The following AUTS2 variants were observed in gnomAD, a reference collection of about 807,000 sequenced individuals.
AUTS2 encodes the protein activator of transcription and developmental regulator AUTS2.
AUTS2 carries 17 observed loss-of-function variants against 112.4 expected under a neutral mutation model. The ratio of observed to expected loss-of-function variants is 0.15; its 90% CI spans 0.10 to 0.23. The LOEUF is 0.23. AUTS2 is among the 10% of genes least tolerant of loss of function. AUTS2 has a pLI of 1.00. For synonymous variants in AUTS2, 751 were observed against 702.7 expected (o/e 1.07, Z -1.09); for missense variants, 1,510 against 1,701.6 (o/e 0.89, Z 1.98).
chr7:70,524,410 C>T (rs1202185110), intron 5 of AUTS2, among the ~76,000 whole-genome samples: 1 of 152,140 alleles, frequency 6.6e-6, no homozygotes, highest in Non-Finnish European at 1.5e-5. Context: ...CTGTTGGATT[C>T]CTTAGAATCC....
intron 4 of AUTS2, among the ~76,000 whole-genome samples, chr7:70,339,987 G>A (rs999717267): frequency 1.3e-5 from 2 of 152,118 alleles, no homozygotes; most frequent in Non-Finnish European, 2.9e-5. Flanking sequence ...TGAAGTGGAG[G>A]ACAGGGCTAG....
chr7:70,550,351 C>G (rs927122585), intron 5 of AUTS2, among the ~76,000 whole-genome samples: 5 of 152,242 alleles, frequency 3.3e-5, no homozygotes, highest in African/African-American at 1.2e-4. Flanking sequence ...TCTAGTCCTT[C>G]GGCACCTCTT....
chr7:70,263,808 T>G (rs1787281805), intron 4 of AUTS2, among the ~76,000 whole-genome samples: 1 of 152,196 alleles, frequency 6.6e-6, no homozygotes, highest in Non-Finnish European at 1.5e-5. Context: ...GTATCATAAT[T>G]GGTCTATACA....
intron 2 of AUTS2, among the ~76,000 whole-genome samples, chr7:70,103,796 G>A (rs1804623131): frequency 6.6e-6 from 1 of 151,882 alleles, no homozygotes; most frequent in South Asian, 2.1e-4. Flanking sequence ...TGTAAGCCAA[G>A]CTAGTTGGGA....
At chr7:70,014,509 A>T (rs1799942950) in intron 2 of AUTS2, among the ~76,000 whole-genome samples, 1 of 152,208 alleles carries the variant, frequency 6.6e-6, no homozygotes, top group Non-Finnish European at 1.5e-5. Context: ...GTATTTATTA[A>T]ATTAATGAAG....
chr7:69,723,186 A>G (rs1279313342), intron 1 of AUTS2, among the ~76,000 whole-genome samples: 1 of 151,978 alleles, frequency 6.6e-6, no homozygotes, highest in African/African-American at 2.4e-5. Context: ...CTCCCACTTT[A>G]GCCTTGATCA....
intron 5 of AUTS2, among the ~76,000 whole-genome samples, chr7:70,648,865 T>C (rs35125787): frequency 0.083 from 12,667 of 152,186 alleles, 1,432 homozygotes; most frequent in African/African-American, 0.25. Flanking sequence ...AGATTACAGA[T>C]ATGAGCCACC....
At chr7:69,764,560 T>TA (rs34304208) in intron 1 of AUTS2, among the ~76,000 whole-genome samples, 61 of 143,658 alleles carry the variant, frequency 4.2e-4, no homozygotes, top group Admixed American at 8.4e-4. Context: ...AGTACTGATG[T>TA]AAAAAAAAAA....
intron 1 of AUTS2, among the ~76,000 whole-genome samples, chr7:69,745,189 A>C (rs573165913): frequency 6.6e-6 from 1 of 152,236 alleles, no homozygotes; most frequent in South Asian, 2.1e-4. Flanking sequence ...TCGTGTATAG[A>C]TTGGGCTGTA....
At chr7:70,604,602 T>C (rs917836322) in intron 5 of AUTS2, among the ~76,000 whole-genome samples, 2 of 152,210 alleles carry the variant, frequency 1.3e-5, no homozygotes, top group Non-Finnish European at 2.9e-5. Flanking sequence ...TTCCCCAGTA[T>C]AGAATTAGAG....
intron 1 of AUTS2, among the ~76,000 whole-genome samples, chr7:69,859,838 T>C (rs1253032083): frequency 6.6e-6 from 1 of 152,124 alleles, no homozygotes; most frequent in Non-Finnish European, 1.5e-5. Context: ...AAAACCCTAG[T>C]AGAGTACCTG....
At chr7:70,519,345 AG>A (rs1304331547) in intron 5 of AUTS2, among the ~76,000 whole-genome samples, 2 of 152,228 alleles carry the variant, frequency 1.3e-5, no homozygotes. Flanking sequence ...TGCCCTTGAA[AG>A]GGAAATCTCC....
rs181546780 is a variant in AUTS2, at chr7:70,742,296, G to A, written c.743-20574G>A. Among the ~76,000 whole-genome samples, 563 of 152,274 alleles carry A rather than the reference G, an allele frequency of 3.7e-3. 5 individuals carry two copies. The highest frequency in any genetic ancestry group is 0.013 in the African/African-American group (540 of 41,566). The stretch of plus-strand genomic sequence containing the variant: ...TAGCCATTTTCCAAAGTCTCCCCCC[G>A]CCAGAGGAATATCTCATAAGTCTGG... On this transcript the variant is annotated intron_variant, in intron 6 of 18. Transcript: ENST00000342771.
chr7:70,117,997 C>T (rs1805472205), intron 2 of AUTS2, 135 bp from the exon 3 acceptor site: 5 of 1,118,144 alleles, frequency 4.5e-6, no homozygotes, highest in Non-Finnish European at 5.9e-6. Flanking sequence ...ATCCTCCTAC[C>T]TCTGCCTCCG....
chr7:70,223,752 T>C (rs1470987679), intron 4 of AUTS2, among the ~76,000 whole-genome samples: 1 of 152,156 alleles, frequency 6.6e-6, no homozygotes, highest in African/African-American at 2.4e-5. Flanking sequence ...TTATTGCCCC[T>C]GAAGACCTTG....
chr7:69,633,216 A>G (rs953498064), intron 1 of AUTS2, among the ~76,000 whole-genome samples: 2 of 151,830 alleles, frequency 1.3e-5, no homozygotes, highest in African/African-American at 4.8e-5. Flanking sequence ...GGTTTATTTC[A>G]CTTAGTACAG....
At chr7:70,769,107 T>C (rs148578993) in intron 10 of AUTS2, among the ~76,000 whole-genome samples, 143 of 152,248 alleles carry the variant, frequency 9.4e-4, no homozygotes, top group African/African-American at 3.2e-3. Flanking sequence ...CTAGAAAATA[T>C]TAGAAATCAA....
chr7:69,685,946 G>T (rs1464414330), intron 1 of AUTS2, among the ~76,000 whole-genome samples: 1 of 152,060 alleles, frequency 6.6e-6, no homozygotes, highest in Non-Finnish European at 1.5e-5. Context: ...GATGACCAGA[G>T]GTAGGTCTGA....
intron 4 of AUTS2, among the ~76,000 whole-genome samples, chr7:70,261,200 G>A (rs1253557723): frequency 1.3e-5 from 2 of 152,204 alleles, no homozygotes; most frequent in African/African-American, 4.8e-5. Flanking sequence ...CAGAAACATT[G>A]TGCTAAGTAA....
Sources: gnomAD v4.1 joint callset for allele counts (sites outside exome capture counted in the v4.1 genomes callset) on GRCh38, gnomAD v4.1.1 for gene constraint, MANE v1.5 for transcripts, NCBI Gene and HGNC (gene_info 2026-07-23, HGNC 2026-07-21) for gene names.